BRWD1: variants seen among roughly 807,000 people sequenced by gnomAD.
BRWD1 encodes the protein bromodomain and WD repeat-containing protein 1.
A neutral mutation model predicts 251.2 loss-of-function variants in BRWD1; 82 were observed. The observed-to-expected ratio is 0.33, with a 90% CI of 0.27 to 0.39. The LOEUF is 0.39. Ranked by LOEUF, BRWD1 falls within the 10% of genes least tolerant of loss-of-function variation. BRWD1 has a pLI of 1.00. For synonymous variants in BRWD1, 918 were observed against 902.8 expected (o/e 1.02, Z -0.30); for missense variants, 2,233 against 2,711.6 (o/e 0.82, Z 3.92).
chr21:39,194,754 G>C lies in BRWD1; in HGVS notation c.*1505C>G. ...ATACACAGGAGAAAAGGTTTTGTCT[G>C]AAACCAAACACAATTAGGGCTAATA... On this transcript the variant is annotated 3_prime_UTR_variant, in exon 41 of 41. Coordinates refer to ENST00000342449, the MANE Select transcript of BRWD1 (RefSeq NM_033656.4). 6.5e-7 allele frequency: 1 copy of C among 1,535,062 alleles called. No homozygotes were observed. Among genetic ancestry groups the C allele is most frequent in the African/African-American group, 1.4e-5 (1 of 73,044 alleles).
Position 39,193,116 on chromosome 21 carries a change from C to T in BRWD1, c.*3143G>A, listed in dbSNP as rs1456599088. Reference sequence around the variant, plus strand: ...GTTTTATATTCCCCTTTTCCATTTGCCCTTCTGTTTTGAAGTGCTTTTTCT... The same window carrying T: ...GTTTTATATTCCCCTTTTCCATTTGTCCTTCTGTTTTGAAGTGCTTTTTCT... On this transcript the variant is annotated 3_prime_UTR_variant, in exon 41 of 41. Transcript: ENST00000342449. The T allele has an allele frequency of 3.0e-6, 3 of 985,060 alleles. No homozygotes were observed. In the African/African-American group the frequency reaches 5.2e-5, roughly 17 times the overall value. The allele number at this position is 985,060 out of a possible 1,614,324, so 61.0% of individuals were successfully genotyped here.
In BRWD1 at chr21:39,203,850, G is replaced by C. The variant is rs141348693; in HGVS notation, c.4365-1305C>G. Among the ~76,000 whole-genome samples, 5 of 148,702 alleles carry C rather than the reference G, an allele frequency of 3.4e-5. No individual in the cohort carries two copies. In the East Asian group the frequency reaches 9.8e-4, roughly 29 times the overall value. On this transcript the variant is annotated intron_variant, in intron 37 of 40. Transcript: ENST00000342449. Reference sequence around the variant, plus strand: ...TTAAATGCCGTTAATAATCAAGGGAGAGAACAAAAGTAAATATAAGGCTGG... The same window carrying C: ...TTAAATGCCGTTAATAATCAAGGGACAGAACAAAAGTAAATATAAGGCTGG...
chr21:39,204,956 G>A (rs1189466441), intron 37 of BRWD1, among the ~76,000 whole-genome samples: 2 of 152,070 alleles, frequency 1.3e-5, no homozygotes, highest in East Asian at 1.9e-4. Context: ...TGGGGACTCC[G>A]ACTCTATATT....
chr21:39,194,785 C>T lies in BRWD1; in HGVS notation c.*1474G>A. 4 of 1,534,792 alleles carry T rather than the reference C, an allele frequency of 2.6e-6. No homozygotes were observed. The highest frequency in any genetic ancestry group is 3.5e-6 in the Non-Finnish European group (4 of 1,145,818). On this transcript the variant is annotated 3_prime_UTR_variant, in exon 41 of 41. Transcript: ENST00000342449. ...AAACACAATTAGGGCTAATAAATAA[C>T]ATTGTCTAATATTGATACCAGTCTG...
chr21:39,244,103 G>A (rs368303116), intron 21 of BRWD1, among the ~76,000 whole-genome samples: 2 of 150,936 alleles, frequency 1.3e-5, no homozygotes, highest in East Asian at 1.9e-4. Flanking sequence ...GAGATCTGTC[G>A]CCCAGGCTGG....
At chr21:39,277,429 T>C in intron 10 of BRWD1, 78 bp from the exon 11 acceptor site, 2 of 927,528 alleles carry the variant, frequency 2.2e-6, no homozygotes, top group Non-Finnish European at 1.5e-6. Context: ...TATTAAAATA[T>C]AAAAAAGAAA....
intron 37 of BRWD1, among the ~76,000 whole-genome samples, chr21:39,205,071 C>T (rs2032322965): frequency 6.6e-6 from 1 of 152,166 alleles, no homozygotes. Flanking sequence ...CAAACCAATA[C>T]AACAGCTCTA....
At chr21:39,224,076 C>G (rs1415155525) in intron 29 of BRWD1, among the ~76,000 whole-genome samples, 1 of 152,210 alleles carries the variant, frequency 6.6e-6, no homozygotes, top group African/African-American at 2.4e-5. Context: ...TCTCGAACTC[C>G]TGATCTCAGG....
intron 8 of BRWD1, among the ~76,000 whole-genome samples, chr21:39,291,481 C>T (rs920726993): frequency 6.6e-6 from 1 of 152,178 alleles, no homozygotes; most frequent in Non-Finnish European, 1.5e-5. Context: ...CTTGGCCCAA[C>T]CCCACCAACA....
chr21:39,219,628 G>T (rs2033092090), intron 29 of BRWD1: 1 of 152,192 alleles, frequency 6.6e-6, no homozygotes, highest in Non-Finnish European at 1.5e-5. Flanking sequence ...ATGCTCATGG[G>T]AGCATTTCCT....
intron 21 of BRWD1, among the ~76,000 whole-genome samples, chr21:39,238,941 A>T (rs894636759): frequency 1.3e-5 from 2 of 152,064 alleles, no homozygotes; most frequent in East Asian, 1.9e-4. Context: ...TCCCTGTGAC[A>T]TATTTTGGTA....
Position 39,210,063 on chromosome 21 carries a change from C to T in BRWD1, c.4129G>A (p.Glu1377Lys), listed in dbSNP as rs749540115. The T allele has an allele frequency of 5.0e-6, 8 of 1,613,562 alleles. 1 individual carries two copies. In the South Asian group the frequency reaches 8.8e-5, roughly 18 times the overall value. ...LDAGNYDSPLEFCKDIRLIFS... is the reference protein window; with the variant it reads ...LDAGNYDSPLKFCKDIRLIFS... ...ATCAGCCGGATGTCTTTGCAAAACT[C>T]CAAAGGGCTGTCATAATTTCCCGCA... Residue 1377 changes from glutamate (E) to lysine (K), a missense_variant, in exon 36 of 41, where the codon GAG (glutamate) becomes AAG (lysine). Physicochemically the swap from Glu to Lys is moderately conservative, Grantham distance 56. This residue lies in a region of BRWD1 where 69 missense variants were observed against 101.6 expected (regional missense o/e 0.68). Coordinates refer to ENST00000342449, the MANE Select transcript of BRWD1 (RefSeq NM_033656.4).
intron 3 of BRWD1, 71 bp from the exon 4 acceptor site, chr21:39,312,971 G>GGGCGGGCGGCGGGC: frequency 1.6e-6 from 1 of 615,158 alleles, no homozygotes; most frequent in Middle Eastern, 6.6e-4. Context: ...GGGGGGCCGG[G>GGGCGGGCGGCGGGC]GGCGGGCGGC....
intron 4 of BRWD1, among the ~76,000 whole-genome samples, chr21:39,304,632 C>T (rs375137003): frequency 6.8e-6 from 1 of 146,986 alleles, no homozygotes; most frequent in Non-Finnish European, 1.5e-5. Flanking sequence ...AAAAAAAATA[C>T]AAATGACCAA....
chr21:39,247,995 T>C (rs1395916265), intron 20 of BRWD1, among the ~76,000 whole-genome samples, 163 bp from the exon 21 acceptor site: 1 of 152,204 alleles, frequency 6.6e-6, no homozygotes, highest in Non-Finnish European at 1.5e-5. Flanking sequence ...TCAAGCTTAG[T>C]AGTTTTACTT....
intron 23 of BRWD1, chr21:39,235,994 G>A (rs185570572): frequency 3.7e-4 from 78 of 212,874 alleles, no homozygotes; most frequent in Admixed American, 1.4e-3. Flanking sequence ...CCAATCCCAC[G>A]GTCTCCTCAT....
intron 40 of BRWD1, 41 bp from the exon 41 acceptor site, chr21:39,197,456 T>A: frequency 6.9e-7 from 1 of 1,449,370 alleles, no homozygotes; most frequent in Non-Finnish European, 9.3e-7. Context: ...CTTTTGTAAG[T>A]CTAAAGGAAT....
chr21:39,189,011 C>T lies in BRWD1; in HGVS notation c.*7248G>A. ...GGCTTAAAGTGCACTGTGTTTACCA[C>T]TTCAAAGACACTTCTCTTGGGAATT... On this transcript the variant is annotated 3_prime_UTR_variant, in exon 41 of 41. Transcript: ENST00000342449. 2.0e-6 allele frequency: 2 copies of T among 985,384 alleles called. No homozygotes were observed. The highest frequency in any genetic ancestry group is 9.4e-5 in the South Asian group (2 of 21,286). 61.0% of individuals were successfully genotyped at this position (985,384 alleles called of 1,614,324 possible). A position where few individuals can be genotyped will look rare whatever the true frequency, so the allele number is the denominator to read the frequency against.
chr21:39,212,575 A>G (rs1405691727), intron 34 of BRWD1, 91 bp downstream of exon 34: 10 of 1,039,702 alleles, frequency 9.6e-6, no homozygotes, highest in African/African-American at 3.3e-5. Context: ...CTACACTGAT[A>G]TAACTTTTCA....
Sources: allele counts gnomAD v4.1 joint callset (sites outside exome capture counted in the v4.1 genomes callset), GRCh38; gene constraint gnomAD v4.1.1; regional missense constraint gnomAD v4.1.1; transcripts MANE v1.5; gene names NCBI Gene and HGNC (gene_info 2026-07-23, HGNC 2026-07-21).